The following ASIC2 variants were observed in gnomAD, a reference collection of about 807,000 sequenced individuals.
The protein encoded by ASIC2 is acid-sensing ion channel 2.
ASIC2 carries 25 observed loss-of-function variants against 57.3 expected under a neutral mutation model. That is an observed-to-expected ratio of 0.44 (90% confidence interval 0.32 to 0.61). The LOEUF (loss-of-function observed/expected upper bound fraction) is 0.61. ASIC2 is among the 20% of genes least tolerant of loss of function. ASIC2 has a pLI of 0.06. For synonymous variants in ASIC2, 319 were observed against 307.5 expected (o/e 1.04, Z -0.39); for missense variants, 641 against 738.1 (o/e 0.87, Z 1.52).
chr17:33,069,159 G>A (rs1275069522), intron 3 of ASIC2, among the ~76,000 whole-genome samples: 2 of 152,080 alleles, frequency 1.3e-5, no homozygotes, highest in Non-Finnish European at 2.9e-5. Flanking sequence ...CTATCTTTCT[G>A]TTATTGTTTT....
chr17:33,352,668 TG>T (rs1186575159), intron 1 of ASIC2, among the ~76,000 whole-genome samples: 1 of 152,212 alleles, frequency 6.6e-6, no homozygotes, highest in Non-Finnish European at 1.5e-5. Flanking sequence ...ATGTTCTCCA[TG>T]ACTGACTCCT....
At chr17:33,138,309 T>C (rs551139500) in intron 1 of ASIC2, among the ~76,000 whole-genome samples, 2 of 152,312 alleles carry the variant, frequency 1.3e-5, no homozygotes. Context: ...CATGTCAGGC[T>C]GCACAGAGAA....
chr17:33,397,775 G>T (rs1910132628), intron 1 of ASIC2, among the ~76,000 whole-genome samples: 1 of 152,204 alleles, frequency 6.6e-6, no homozygotes, highest in African/African-American at 2.4e-5. Context: ...AGGCCTAGCT[G>T]GAGGAGCCCC....
rs1914679553 is a variant in ASIC2, at chr17:33,880,768, G to C, written c.555+275210C>G. 2.0e-5 allele frequency among the ~76,000 whole-genome samples: 3 copies of C among 152,158 alleles called. No individual in the cohort carries two copies. The South Asian group carries it at 6.2e-4, about 31-fold the overall frequency. On this transcript the variant is annotated intron_variant, in intron 1 of 9. Coordinates refer to the ASIC2 transcript ENST00000359872. ...CTCCCTAACTCATTTTATGAGGCCA[G>C]CATCATCCTGATACCAAAGCCTGGC...
chr17:33,447,055 G>T (rs1033361764), intron 1 of ASIC2, among the ~76,000 whole-genome samples: 2 of 152,190 alleles, frequency 1.3e-5, no homozygotes, highest in African/African-American at 4.8e-5. Context: ...GAGAATAACA[G>T]CTAAACAAAT....
At chr17:33,360,652 C>A (rs755691159) in intron 1 of ASIC2, among the ~76,000 whole-genome samples, 6 of 152,188 alleles carry the variant, frequency 3.9e-5, no homozygotes, top group South Asian at 2.1e-4. Flanking sequence ...TTAAACGGAA[C>A]TTTTAGCCTT....
At chr17:33,907,519 G>A (rs530638892) in intron 1 of ASIC2, among the ~76,000 whole-genome samples, 2 of 152,224 alleles carry the variant, frequency 1.3e-5, no homozygotes, top group South Asian at 4.1e-4. Flanking sequence ...TGCTTCCCAT[G>A]TGACCCATTA....
chr17:33,660,356 A>T lies in ASIC2; in HGVS notation c.555+495622T>A, dbSNP rs180798494. 8.8e-3 allele frequency among the ~76,000 whole-genome samples: 1,346 copies of T among 152,228 alleles called. 9 individuals carry two copies. Among genetic ancestry groups the T allele is most frequent in the Middle Eastern group, 0.061 (18 of 294 alleles). On this transcript the variant is annotated intron_variant, in intron 1 of 9. Coordinates refer to the ASIC2 transcript ENST00000359872. ...TTCTAAACTTTTTAATTAAAAAAAA[A>T]TGACTCTTGTAGTAGCACTTAGCTT...
At chr17:33,638,037 G>A (rs984169692) in intron 1 of ASIC2, among the ~76,000 whole-genome samples, 1 of 152,184 alleles carries the variant, frequency 6.6e-6, no homozygotes, top group African/African-American at 2.4e-5. Flanking sequence ...TGAGTCAAAA[G>A]TCTAGATAGG....
intron 1 of ASIC2, among the ~76,000 whole-genome samples, chr17:34,020,759 C>T (rs1907129889): frequency 6.6e-6 from 1 of 152,112 alleles, no homozygotes; most frequent in African/African-American, 2.4e-5. Flanking sequence ...TTCCCAGGAC[C>T]TCCAGGAAGG....
At chr17:33,199,908 C>T (rs419735) in intron 1 of ASIC2, among the ~76,000 whole-genome samples, 1 of 152,184 alleles carries the variant, frequency 6.6e-6, no homozygotes, top group African/African-American at 2.4e-5. Flanking sequence ...AGCACTGCCT[C>T]TGAGACCTGT....
At chr17:33,625,008 A>T (rs1248395036) in intron 1 of ASIC2, among the ~76,000 whole-genome samples, 1 of 152,236 alleles carries the variant, frequency 6.6e-6, no homozygotes, top group Non-Finnish European at 1.5e-5. Flanking sequence ...CTGGCTAGTG[A>T]CACCCTTGTG....
rs552447072 is a variant in ASIC2 at position 33,044,681 on chromosome 17, A to C, written c.988-16289T>G. 8.8e-4 allele frequency among the ~76,000 whole-genome samples: 134 copies of C among 152,314 alleles called. 1 individual carries two copies. Among genetic ancestry groups the C allele is most frequent in the African/African-American group, 3.0e-3 (124 of 41,570 alleles). On this transcript the variant is annotated intron_variant, in intron 3 of 9. Coordinates refer to ENST00000225823, the MANE Select transcript of ASIC2 (RefSeq NM_183377.2). ...TGGCCCCAATAAACATTTATTAAGC[A>C]CTAATCTGTTCCAGAAACACTGCTA...
At chr17:33,536,557 T>A (rs920138902) in intron 1 of ASIC2, among the ~76,000 whole-genome samples, 3 of 152,206 alleles carry the variant, frequency 2.0e-5, no homozygotes, top group Admixed American at 1.3e-4. Context: ...AGTTTCACCT[T>A]TTCTTACCAC....
At chr17:33,579,503 A>C (rs1916811247) in intron 1 of ASIC2, among the ~76,000 whole-genome samples, 1 of 152,098 alleles carries the variant, frequency 6.6e-6, no homozygotes, top group Non-Finnish European at 1.5e-5. Flanking sequence ...TACTGTGCCC[A>C]GAATTGTCTC....
intron 1 of ASIC2, among the ~76,000 whole-genome samples, chr17:33,627,480 A>G (rs1203889793): frequency 2.6e-5 from 4 of 152,194 alleles, no homozygotes; most frequent in African/African-American, 9.7e-5. Flanking sequence ...GGGGAACTAA[A>G]TTCCAGCTCC....
At chr17:33,203,781 CG>C (rs1906964569) in intron 1 of ASIC2, among the ~76,000 whole-genome samples, 1 of 152,180 alleles carries the variant, frequency 6.6e-6, no homozygotes, top group South Asian at 2.1e-4. Flanking sequence ...ATCCTGGCTG[CG>C]GGTGGCTTGC....
rs1190457091 is a variant in ASIC2 at position 34,031,137 on chromosome 17, A to T, written c.555+124841T>A. ...CAGTAGGGGCAGACTGACAATTCAC[A>T]TGGCCGGGTACTCCTCTGAGACAAA... On this transcript the variant is annotated intron_variant, in intron 1 of 9. Transcript: ENST00000359872. 2.0e-5 allele frequency among the ~76,000 whole-genome samples: 3 copies of T among 152,162 alleles called. No homozygotes were observed. The East Asian group carries it at 5.8e-4, about 29-fold the overall frequency.
chr17:33,464,328 T>C (rs1171470586), intron 1 of ASIC2, among the ~76,000 whole-genome samples: 2 of 152,122 alleles, frequency 1.3e-5, no homozygotes, highest in Non-Finnish European at 2.9e-5. Flanking sequence ...TTGGATAATA[T>C]AGTGTGTGAA....
Sources: allele counts gnomAD v4.1 joint callset (sites outside exome capture counted in the v4.1 genomes callset), GRCh38; gene constraint gnomAD v4.1.1; transcripts MANE v1.5; gene names NCBI Gene and HGNC (gene_info 2026-07-23, HGNC 2026-07-21).